Variants in GPD1L observed in about 807,000 individuals in gnomAD.
GPD1L encodes glycerol-3-phosphate dehydrogenase 1-like protein.
GPD1L carries 17 observed loss-of-function variants against 32.9 expected under a neutral mutation model. The ratio of observed to expected loss-of-function variants is 0.52; its 90% CI spans 0.35 to 0.78. The LOEUF (loss-of-function observed/expected upper bound fraction) is 0.78. Among genes scored for constraint, GPD1L ranks in the 30% least tolerant of loss-of-function variants. The pLI is 0.01. For missense variants in GPD1L, 361 were observed against 447.8 expected, an observed-to-expected ratio of 0.81 and a Z score of 1.75; for synonymous variants, 187 against 165.9, an observed-to-expected ratio of 1.13 and a Z score of -0.98.
rs761420333 is a variant in GPD1L, at chr3:32,146,848, T to C, written c.618+114T>C. On this transcript the variant is annotated intron_variant, in intron 5 of 7. Coordinates refer to ENST00000282541, the MANE Select transcript of GPD1L (RefSeq NM_015141.4). ...GTGCACCCACATCAGCGAAGAATAG[T>C]GAATTGAGAGTCTTGTTTATAACTT... 332 of 766,308 alleles carry C rather than the reference T, an allele frequency of 4.3e-4. 2 individuals carry two copies. Among genetic ancestry groups the C allele is most frequent in the Middle Eastern group, 2.1e-3 (9 of 4,384 alleles). The allele number at this position is 766,308 out of a possible 1,614,324, so 47.5% of individuals were successfully genotyped here.
chr3:32,162,786 G>A (rs895098486), intron 7 of GPD1L, among the ~76,000 whole-genome samples: 1 of 151,836 alleles, frequency 6.6e-6, no homozygotes, highest in African/African-American at 2.4e-5. Flanking sequence ...CAAGCTCCTG[G>A]GTCTCACTCT....
At chr3:32,113,173 T>C (rs1700277595) in intron 1 of GPD1L, among the ~76,000 whole-genome samples, 1 of 152,138 alleles carries the variant, frequency 6.6e-6, no homozygotes, top group Admixed American at 6.5e-5. Context: ...CCTATAGATA[T>C]GACAGATGAT....
At position 32,165,934 on chromosome 3, in the gene GPD1L, G is replaced by C. The variant is rs373003382; in HGVS notation, c.*24G>C. On this transcript the variant is annotated 3_prime_UTR_variant, in exon 8 of 8. Coordinates refer to ENST00000282541, the MANE Select transcript of GPD1L (RefSeq NM_015141.4). Reference sequence around the variant, plus strand: ...AAAGTGAATCATGCAACGTGTTGGGGGAAGTTCTGCCTTTCTGATCAATCT... The same window carrying C: ...AAAGTGAATCATGCAACGTGTTGGGCGAAGTTCTGCCTTTCTGATCAATCT... 7.7e-5 allele frequency: 99 copies of C among 1,291,362 alleles called. No homozygotes were observed. Among genetic ancestry groups the C allele is most frequent in the Non-Finnish European group, 1.1e-4 (94 of 885,178 alleles). The allele number at this position is 1,291,362 out of a possible 1,614,324, so 80.0% of individuals were successfully genotyped here. A position where few individuals can be genotyped will look rare whatever the true frequency, so the allele number is the denominator to read the frequency against.
Position 32,106,838 on chromosome 3 carries a change from G to T in GPD1L, c.47+80G>T. On this transcript the variant is annotated intron_variant, in intron 1 of 7. Coordinates refer to ENST00000282541, the MANE Select transcript of GPD1L (RefSeq NM_015141.4). The surrounding 1 kb of genome is among the most constrained non-coding windows in gnomAD (Gnocchi z 4.0). ...GGGCGGTGAGGGCTGCGCGCCCCAT[G>T]CTGCGGCGTGGGCACCGGGCACTGC... 1 of 1,346,716 alleles carries T rather than the reference G, an allele frequency of 7.4e-7. No individual in the cohort carries two copies. The highest frequency in any genetic ancestry group is 9.9e-7 in the Non-Finnish European group (1 of 1,009,196). 83.4% of individuals were successfully genotyped at this position (1,346,716 alleles called of 1,614,324 possible).
chr3:32,154,755 CT>C (rs35621451), intron 5 of GPD1L, among the ~76,000 whole-genome samples: 78,051 of 146,988 alleles, frequency 0.53, 21,821 homozygotes, highest in East Asian at 0.86. Flanking sequence ...TCCTAAGCTA[CT>C]TTTTTTTTTT....
chr3:32,147,356 T>G lies in GPD1L; in HGVS notation c.618+622T>G, dbSNP rs570844631. ...TATTTTTGTTTGTTTTAATGTAAAT[T>G]TTAAGAGGTACTTCATACAGAAAAG... On this transcript the variant is annotated intron_variant, in intron 5 of 7. Coordinates refer to ENST00000282541, the MANE Select transcript of GPD1L (RefSeq NM_015141.4). Among the ~76,000 whole-genome samples, 7 of 152,336 alleles carry G rather than the reference T, an allele frequency of 4.6e-5. No individual in the cohort carries two copies. The South Asian group carries it at 1.5e-3, about 32-fold the overall frequency.
chr3:32,150,118 C>T (rs756469591), intron 5 of GPD1L, among the ~76,000 whole-genome samples: 1 of 152,278 alleles, frequency 6.6e-6, no homozygotes, highest in East Asian at 1.9e-4. Context: ...TTCCTCATCA[C>T]CCCAGCCTCC....
At chr3:32,108,795 G>A (rs1446211146) in intron 1 of GPD1L, among the ~76,000 whole-genome samples, 1 of 152,228 alleles carries the variant, frequency 6.6e-6, no homozygotes, top group Non-Finnish European at 1.5e-5. Flanking sequence ...AGAGTTGGTA[G>A]CTTGCTGCTG....
intron 2 of GPD1L, among the ~76,000 whole-genome samples, chr3:32,137,766 G>A (rs748321243): frequency 1.2e-4 from 18 of 152,190 alleles, no homozygotes; most frequent in Non-Finnish European, 2.5e-4. Context: ...GAAAGAAATC[G>A]TCATAATAGC....
chr3:32,111,450 G>A (rs1325945590), intron 1 of GPD1L, among the ~76,000 whole-genome samples: 1 of 152,162 alleles, frequency 6.6e-6, no homozygotes, highest in Non-Finnish European at 1.5e-5. Context: ...ATTGATACCT[G>A]CTGTCTGGGA....
chr3:32,166,697 A>C lies in GPD1L; in HGVS notation c.*787A>C, dbSNP rs1033895215. 6.5e-6 allele frequency: 1 copy of C among 152,676 alleles called. No individual in the cohort carries two copies. The highest frequency in any genetic ancestry group is 2.4e-5 in the African/African-American group (1 of 41,442). 9.5% of individuals were successfully genotyped at this position (152,676 alleles called of 1,614,324 possible). ...CATTTATCTTAAACATCACAGATCC[A>C]CTGGGGGGTGCAAGGGGCTACTGTT... On this transcript the variant is annotated 3_prime_UTR_variant, in exon 8 of 8. Coordinates refer to ENST00000282541, the MANE Select transcript of GPD1L (RefSeq NM_015141.4).
At chr3:32,127,476 T>G (rs936688288) in intron 1 of GPD1L, among the ~76,000 whole-genome samples, 1 of 152,216 alleles carries the variant, frequency 6.6e-6, no homozygotes, top group Non-Finnish European at 1.5e-5. Flanking sequence ...TCTTGTCCCC[T>G]GTAGGAAAGC....
At chr3:32,134,156 A>G (rs993959687) in intron 2 of GPD1L, among the ~76,000 whole-genome samples, 4 of 152,332 alleles carry the variant, frequency 2.6e-5, no homozygotes, top group Admixed American at 6.5e-5. Flanking sequence ...TTATTTTCAG[A>G]GCAGAAAATC....
At chr3:32,137,251 A>G (rs978884692) in intron 2 of GPD1L, among the ~76,000 whole-genome samples, 1 of 152,240 alleles carries the variant, frequency 6.6e-6, no homozygotes, top group African/African-American at 2.4e-5. Context: ...TTAAATACAT[A>G]TGACAGAAAA....
chr3:32,133,756 C>T (rs1700619717), intron 2 of GPD1L, among the ~76,000 whole-genome samples: 1 of 152,040 alleles, frequency 6.6e-6, no homozygotes, highest in Admixed American at 6.6e-5. Context: ...TTTTTCTTGC[C>T]CACTCTGATG....
At position 32,162,425 on chromosome 3, in the gene GPD1L, C is replaced by T. The variant is rs1178266782; in HGVS notation, c.959+2751C>T. 2.4e-5 allele frequency among the ~76,000 whole-genome samples: 3 copies of T among 123,686 alleles called. 1 individual carries two copies. The highest frequency in any genetic ancestry group is 5.3e-4 in the South Asian group (2 of 3,780). 81.1% of individuals were successfully genotyped at this position (123,686 alleles called of 152,430 possible). A position where few individuals can be genotyped will look rare whatever the true frequency, so the allele number is the denominator to read the frequency against. Reference sequence around the variant, plus strand: ...ACGGAGTCTCGCTCTGTCGCCCAGGCCGGACTGCGGACTGCAGTGGCGCAA... The same window carrying T: ...ACGGAGTCTCGCTCTGTCGCCCAGGTCGGACTGCGGACTGCAGTGGCGCAA... On this transcript the variant is annotated intron_variant, in intron 7 of 7. Coordinates refer to ENST00000282541, the MANE Select transcript of GPD1L (RefSeq NM_015141.4).
At chr3:32,108,428 G>T (rs1311553073) in intron 1 of GPD1L, among the ~76,000 whole-genome samples, 1 of 152,158 alleles carries the variant, frequency 6.6e-6, no homozygotes, top group African/African-American at 2.4e-5. Flanking sequence ...AATCGCCTGA[G>T]CCTGGGAGGC....
chr3:32,116,296 G>C (rs11129490), intron 1 of GPD1L, among the ~76,000 whole-genome samples: 62,750 of 152,050 alleles, frequency 0.41, 14,703 homozygotes, highest in East Asian at 0.64. Flanking sequence ...AAGTGACCAT[G>C]CATTCACATT....
At chr3:32,133,128 C>T (rs760473837) in intron 2 of GPD1L, among the ~76,000 whole-genome samples, 11 of 152,178 alleles carry the variant, frequency 7.2e-5, no homozygotes, top group Non-Finnish European at 1.6e-4. Context: ...CCATGGTGTC[C>T]GGTTAGCTGA....
Sources: gnomAD v4.1 joint callset for allele counts (sites outside exome capture counted in the v4.1 genomes callset) on GRCh38, gnomAD v4.1.1 for gene constraint, Gnocchi (gnomAD v3.1) non-coding constraint, MANE v1.5 for transcripts, NCBI Gene and HGNC (gene_info 2026-07-23, HGNC 2026-07-21) for gene names.